PLEKHG1: variants seen among roughly 807,000 people sequenced by gnomAD.
PLEKHG1 encodes the protein pleckstrin homology domain-containing family G member 1.
PLEKHG1 carries 44 observed loss-of-function variants against 100.8 expected under a neutral mutation model. The ratio of observed to expected loss-of-function variants is 0.44; its 90% CI spans 0.34 to 0.56. PLEKHG1 has a LOEUF of 0.56. Ranked by LOEUF, PLEKHG1 falls within the 20% of genes least tolerant of loss-of-function variation. The probability of loss-of-function intolerance (pLI) is 0.01; values close to 1 mark genes in which losing one functional copy is unlikely to be tolerated. For synonymous variants in PLEKHG1, 640 were observed against 662.5 expected, an observed-to-expected ratio of 0.97 and a Z score of 0.52; for missense variants, 1,545 against 1,720.9, an observed-to-expected ratio of 0.90 and a Z score of 1.81.
At chr6:150,603,074 C>T (rs1390953819) in intron 1 of PLEKHG1, among the ~76,000 whole-genome samples, 6 of 50,956 alleles carry the variant, frequency 1.2e-4, no homozygotes, top group Non-Finnish European at 2.6e-4. Flanking sequence ...AGCGAGACTC[C>T]GTCTCAAAAA....
intron 2 of PLEKHG1, among the ~76,000 whole-genome samples, chr6:150,747,379 A>T (rs1783220114): frequency 6.6e-6 from 1 of 152,218 alleles, no homozygotes; most frequent in South Asian, 2.1e-4. Context: ...CCTGTTCTGT[A>T]ACACGTAGAA....
chr6:150,660,350 T>C (rs1160081559), intron 3 of PLEKHG1, among the ~76,000 whole-genome samples: 2 of 152,196 alleles, frequency 1.3e-5, no homozygotes, highest in Non-Finnish European at 2.9e-5. Flanking sequence ...ACATGTTTTA[T>C]TTTCTTAGAG....
At chr6:150,657,510 A>G (rs569952543) in intron 3 of PLEKHG1, among the ~76,000 whole-genome samples, 1 of 152,256 alleles carries the variant, frequency 6.6e-6, no homozygotes, top group East Asian at 1.9e-4. Context: ...AACATCCTTA[A>G]CTTTTCGACT....
Position 150,795,911 on chromosome 6 carries a change from C to A in PLEKHG1, c.629+9C>A. On this transcript the variant is annotated intron_variant, in intron 5 of 15. Transcript: ENST00000358517. ...TGCACTAACTATCCAAGGTATGGAT[C>A]GAGAATGGGCCAAGAGTACTTTTGT... 1.3e-6 allele frequency: 2 copies of A among 1,552,296 alleles called. No individual in the cohort carries two copies. Among genetic ancestry groups the A allele is most frequent in the Non-Finnish European group, 1.8e-6 (2 of 1,124,734 alleles).
rs137924009 is a variant in PLEKHG1, at chr6:150,671,514, C to G, written c.-99+20728C>G. Among the ~76,000 whole-genome samples the G allele has an allele frequency of 8.8e-3, 1,337 of 152,318 alleles. 22 individuals are homozygous for G. The highest frequency in any genetic ancestry group is 0.025 in the Admixed American group (389 of 15,306). On this transcript the variant is annotated intron_variant, in intron 3 of 3. Transcript: ENST00000367326. ...GAGGAATTGGTCAAGTCAGAAATCA[C>G]TTGCTCACTCTGAGCCAACATTTAT...
intron 1 of PLEKHG1, among the ~76,000 whole-genome samples, chr6:150,636,068 A>T (rs1437638349): frequency 6.6e-6 from 1 of 152,200 alleles, no homozygotes; most frequent in African/African-American, 2.4e-5. Context: ...CTATTTGCAG[A>T]TAAGTTAATG....
chr6:150,642,010 C>G (rs1265178696), intron 2 of PLEKHG1, among the ~76,000 whole-genome samples: 6 of 147,840 alleles, frequency 4.1e-5, no homozygotes, highest in Non-Finnish European at 8.9e-5. Context: ...TTTACAGAAG[C>G]CTGGGTAAAA....
At chr6:150,835,517 T>A (rs755066031) in intron 15 of PLEKHG1, among the ~76,000 whole-genome samples, 1 of 152,166 alleles carries the variant, frequency 6.6e-6, no homozygotes, top group African/African-American at 2.4e-5. Context: ...TTTTCAAATC[T>A]CAAAAAAGGC....
intron 3 of PLEKHG1, among the ~76,000 whole-genome samples, chr6:150,776,475 C>G (rs1367956151): frequency 7.6e-6 from 1 of 131,144 alleles, no homozygotes; most frequent in Middle Eastern, 3.8e-3. Flanking sequence ...CTGATGCAAT[C>G]CTGGCGTACA....
At chr6:150,746,353 C>A (rs903213634) in intron 2 of PLEKHG1, among the ~76,000 whole-genome samples, 1 of 152,168 alleles carries the variant, frequency 6.6e-6, no homozygotes, top group Non-Finnish European at 1.5e-5. Flanking sequence ...TGTACCTATT[C>A]TTTGGAGTAT....
chr6:150,623,203 AT>A (rs143720198), intron 1 of PLEKHG1, among the ~76,000 whole-genome samples: 16,375 of 152,198 alleles, frequency 0.11, 898 homozygotes, highest in African/African-American at 0.13. Flanking sequence ...TGATGTTATC[AT>A]TGCCTTCAAC....
chr6:150,732,544 A>G (rs145572073), intron 1 of PLEKHG1, among the ~76,000 whole-genome samples: 8 of 152,318 alleles, frequency 5.3e-5, no homozygotes, highest in Non-Finnish European at 8.8e-5. Flanking sequence ...ATAATCACAA[A>G]CCTATATGGC....
chr6:150,778,554 C>T (rs933843467), intron 3 of PLEKHG1, among the ~76,000 whole-genome samples: 12 of 152,312 alleles, frequency 7.9e-5, no homozygotes, highest in East Asian at 3.9e-4. Flanking sequence ...TGCTCTCTAT[C>T]GTACTACCCT....
At position 150,831,292 on chromosome 6, in the gene PLEKHG1, C is replaced by T. The variant is rs1272042122; in HGVS notation, c.2181C>T (p.Ser727=). 1 of 1,614,024 alleles carries T rather than the reference C, an allele frequency of 6.2e-7. No individual in the cohort carries two copies. The highest frequency in any genetic ancestry group is 8.5e-7 in the Non-Finnish European group (1 of 1,180,014). ...GCACCCTCTCAGGTGGAGAGGCATCCAGCCAAAGCACGCATGAACTCCAAG... is the reference window on the plus strand; with the variant it reads ...GCACCCTCTCAGGTGGAGAGGCATCTAGCCAAAGCACGCATGAACTCCAAG... The change falls in exon 15 of 16, where the codon TCC becomes TCT. Residue 727 remains serine (S), a synonymous_variant. Coordinates refer to ENST00000358517, the Ensembl canonical transcript of PLEKHG1. This position sits in a 1 kb window ranked among gnomAD's most constrained non-coding sequence, Gnocchi z 4.1.
intron 2 of PLEKHG1, among the ~76,000 whole-genome samples, chr6:150,761,011 G>A (rs1031458193): frequency 6.7e-6 from 1 of 150,168 alleles, no homozygotes; most frequent in Non-Finnish European, 1.5e-5. Flanking sequence ...ACTTTTTTAG[G>A]TTTCAGTACA....
intron 1 of PLEKHG1, among the ~76,000 whole-genome samples, chr6:150,607,483 T>C (rs1776650843): frequency 6.6e-6 from 1 of 152,232 alleles, no homozygotes; most frequent in African/African-American, 2.4e-5. Context: ...GCATCTATGT[T>C]GTGCTAAAGT....
intron 2 of PLEKHG1, among the ~76,000 whole-genome samples, chr6:150,738,162 C>T (rs979357448): frequency 6.6e-6 from 1 of 152,010 alleles, no homozygotes; most frequent in Non-Finnish European, 1.5e-5. Context: ...AAAAGAAGCT[C>T]GTCTAATTGA....
At chr6:150,738,214 T>C (rs1378206803) in intron 2 of PLEKHG1, among the ~76,000 whole-genome samples, 2 of 152,198 alleles carry the variant, frequency 1.3e-5, no homozygotes, top group Non-Finnish European at 2.9e-5. Context: ...TCTGACTTTG[T>C]ACACTCTGCT....
At chr6:150,716,877 G>T (rs529407022), upstream of PLEKHG1, among the ~76,000 whole-genome samples, 2 of 152,032 alleles carry the variant, frequency 1.3e-5, no homozygotes, top group African/African-American at 4.8e-5. Flanking sequence ...TTTGAGACAG[G>T]CTCTTGCTCT....
Sources: gnomAD v4.1 joint callset for allele counts (sites outside exome capture counted in the v4.1 genomes callset) on GRCh38, gnomAD v4.1.1 for gene constraint, Gnocchi (gnomAD v3.1) non-coding constraint, MANE v1.5 for transcripts, NCBI Gene and HGNC (gene_info 2026-07-23, HGNC 2026-07-21) for gene names.